The following ADGRB3 variants were observed in gnomAD, a reference collection of about 807,000 sequenced individuals.
ADGRB3 encodes adhesion G protein-coupled receptor B3, also known as brain-specific angiogenesis inhibitor 3.
Under a neutral mutation model 193.4 loss-of-function variants are expected in ADGRB3, and 37 were observed. The observed-to-expected ratio is 0.19, with a 90% CI of 0.15 to 0.25. The LOEUF (loss-of-function observed/expected upper bound fraction) is 0.25. ADGRB3 is among the 10% of genes least tolerant of loss of function. The pLI is 1.00. For missense variants in ADGRB3, 1,637 were observed against 1,852.9 expected, an observed-to-expected ratio of 0.88 and a Z score of 2.14; for synonymous variants, 690 against 644.2, an observed-to-expected ratio of 1.07 and a Z score of -1.08.
At chr6:69,273,808 T>C (rs1403320483) in intron 20 of ADGRB3, among the ~76,000 whole-genome samples, 1 of 152,242 alleles carries the variant, frequency 6.6e-6, no homozygotes, top group Non-Finnish European at 1.5e-5. Flanking sequence ...ATCTGTGGTC[T>C]ACTGAGCTTT....
intron 20 of ADGRB3, among the ~76,000 whole-genome samples, chr6:69,246,458 C>CTT (rs1766500918): frequency 1.3e-5 from 2 of 152,206 alleles, no homozygotes; most frequent in Middle Eastern, 3.4e-3. Flanking sequence ...AACCAAGGAG[C>CTT]ATAATGGTTG....
At chr6:68,966,645 G>T (rs188019198) in intron 8 of ADGRB3, among the ~76,000 whole-genome samples, 40 of 152,238 alleles carry the variant, frequency 2.6e-4, no homozygotes, top group Admixed American at 9.2e-4. Flanking sequence ...TCTTCCCTAA[G>T]GTACTCCCAG....
In ADGRB3 at chr6:68,871,565, G is replaced by T. The variant is rs529833717; in HGVS notation, c.758-58994G>T. ...TGTTGATAAGCTTATTTGCCACAAA[G>T]TTTAACATGTGTGTTCCCAAATGTC... On this transcript the variant is annotated intron_variant, in intron 3 of 31. Coordinates refer to ENST00000370598, the MANE Select transcript of ADGRB3 (RefSeq NM_001704.3). 1.4e-3 allele frequency among the ~76,000 whole-genome samples: 214 copies of T among 152,068 alleles called. 2 individuals are homozygous for T. The highest frequency in any genetic ancestry group is 5.1e-3 in the African/African-American group (211 of 41,504).
intron 11 of ADGRB3, among the ~76,000 whole-genome samples, chr6:69,008,445 A>G (rs746543768): frequency 6.6e-6 from 1 of 152,032 alleles, no homozygotes; most frequent in Non-Finnish European, 1.5e-5. Context: ...AATAATCACT[A>G]TTTTGGACTA....
chr6:68,835,047 A>G (rs1768020608), intron 3 of ADGRB3, among the ~76,000 whole-genome samples: 1 of 152,168 alleles, frequency 6.6e-6, no homozygotes, highest in Non-Finnish European at 1.5e-5. Flanking sequence ...TTTGACATAC[A>G]CTATTAGAGG....
intron 3 of ADGRB3, among the ~76,000 whole-genome samples, chr6:68,677,814 C>T (rs1207843955): frequency 6.6e-6 from 1 of 151,892 alleles, no homozygotes; most frequent in Non-Finnish European, 1.5e-5. Context: ...GCCATTTTGG[C>T]CAGGCTGGTC....
At chr6:69,096,602 C>T (rs62406773) in intron 17 of ADGRB3, among the ~76,000 whole-genome samples, 6,212 of 152,146 alleles carry the variant, frequency 0.041, 154 homozygotes, top group Middle Eastern at 0.072. Flanking sequence ...TCCTGACCCC[C>T]AAGTCACTAT....
intron 3 of ADGRB3, among the ~76,000 whole-genome samples, chr6:68,884,640 AG>A (rs1765853466): frequency 1.3e-5 from 2 of 152,260 alleles, no homozygotes; most frequent in South Asian, 4.1e-4. Context: ...AGGTCAGAGT[AG>A]GGGCTTTTAT....
At chr6:69,289,545 C>T (rs1361221819) in intron 20 of ADGRB3, among the ~76,000 whole-genome samples, 1 of 152,150 alleles carries the variant, frequency 6.6e-6, no homozygotes, top group African/African-American at 2.4e-5. Flanking sequence ...ATTTCACCTC[C>T]AGCCCACTAG....
At chr6:68,967,417 G>A (rs1768414695) in intron 8 of ADGRB3, among the ~76,000 whole-genome samples, 1 of 151,992 alleles carries the variant, frequency 6.6e-6, no homozygotes, top group Admixed American at 6.6e-5. Context: ...GCACATTGGG[G>A]GATTCTAAAA....
intron 7 of ADGRB3, among the ~76,000 whole-genome samples, chr6:68,956,425 A>G (rs1293370534): frequency 6.6e-6 from 1 of 152,170 alleles, no homozygotes; most frequent in Non-Finnish European, 1.5e-5. Flanking sequence ...AACTACGAAT[A>G]CATTTGAGGA....
chr6:69,061,589 A>C (rs1198137386), intron 15 of ADGRB3, among the ~76,000 whole-genome samples: 1 of 152,052 alleles, frequency 6.6e-6, no homozygotes, highest in Non-Finnish European at 1.5e-5. Flanking sequence ...AATTATTTAT[A>C]ATAGCCAAAT....
At chr6:69,076,818 C>G (rs1772246459) in intron 17 of ADGRB3, among the ~76,000 whole-genome samples, 1 of 151,906 alleles carries the variant, frequency 6.6e-6, no homozygotes, top group African/African-American at 2.4e-5. Flanking sequence ...TAATCCCACT[C>G]TATATATGCT....
At chr6:69,260,902 G>A (rs1257717966) in intron 20 of ADGRB3, among the ~76,000 whole-genome samples, 3 of 151,992 alleles carry the variant, frequency 2.0e-5, no homozygotes, top group Non-Finnish European at 4.4e-5. Context: ...CTGTATTTAG[G>A]AATATTATCT....
intron 3 of ADGRB3, among the ~76,000 whole-genome samples, chr6:68,890,030 C>A (rs1402665632): frequency 6.6e-6 from 1 of 152,140 alleles, no homozygotes; most frequent in Non-Finnish European, 1.5e-5. Flanking sequence ...CAAATGATTT[C>A]TCAAAAGTAT....
chr6:69,093,386 GGA>G lies in ADGRB3; in HGVS notation c.2480+17352_2480+17353del, dbSNP rs149772877. ...GGAGGTAGTGGGCATCTTAGATTCA[GGA>G]GAGTCATGTAGCCTGGGTTCAGGGG... is the stretch of plus-strand genomic sequence containing the variant. On this transcript the variant is annotated intron_variant, in intron 17 of 31. Transcript: ENST00000370598. 5.9e-5 allele frequency among the ~76,000 whole-genome samples: 9 copies of G among 152,002 alleles called. No homozygotes were observed. In the East Asian group the frequency reaches 1.7e-3, roughly 30 times the overall value.
chr6:68,724,587 TAA>T (rs1217727095), intron 3 of ADGRB3, among the ~76,000 whole-genome samples: 4 of 150,788 alleles, frequency 2.7e-5, no homozygotes, highest in Non-Finnish European at 5.9e-5. Flanking sequence ...ATGTAAAAAA[TAA>T]AAGAGTTCAC....
At chr6:69,108,049 A>G (rs999151208) in intron 17 of ADGRB3, among the ~76,000 whole-genome samples, 5 of 105,890 alleles carry the variant, frequency 4.7e-5, no homozygotes, top group African/African-American at 1.6e-4. Context: ...ATAAAAATTG[A>G]AAAAAAAAAA....
At chr6:68,636,687 C>A (rs544906780) in intron 1 of ADGRB3, among the ~76,000 whole-genome samples, 1 of 152,106 alleles carries the variant, frequency 6.6e-6, no homozygotes, top group African/African-American at 2.4e-5. Context: ...CTTGAGCAGG[C>A]ATTAAAGTGA....
Sources: gnomAD v4.1 joint callset for allele counts (sites outside exome capture counted in the v4.1 genomes callset) on GRCh38, gnomAD v4.1.1 for gene constraint, MANE v1.5 for transcripts, NCBI Gene and HGNC (gene_info 2026-07-23, HGNC 2026-07-21) for gene names.